The following MAK variants were observed in gnomAD, a reference collection of about 807,000 sequenced individuals.
The protein encoded by MAK is male germ cell associated kinase.
MAK carries 65 observed loss-of-function variants against 82.6 expected under a neutral mutation model. That is an observed-to-expected ratio of 0.79 (90% confidence interval 0.64 to 0.97). MAK has a LOEUF of 0.97. MAK is among the 50% of genes least tolerant of loss of function. The pLI is 0.00. For synonymous variants in MAK, 250 were observed against 274.2 expected, an observed-to-expected ratio of 0.91 and a Z score of 0.87; for missense variants, 703 against 780.2, an observed-to-expected ratio of 0.90 and a Z score of 1.18.
Position 10,801,905 on chromosome 6 carries a change from G to C in MAK, c.818C>G (p.Pro273Arg). 6.2e-7 allele frequency: 1 copy of C among 1,614,030 alleles called. No homozygotes were observed. Among genetic ancestry groups the C allele is most frequent in the Non-Finnish European group, 8.5e-7 (1 of 1,179,992 alleles). Reference protein sequence around the residue: ...EMLNWDPKKRPTASQALKHPY... With the variant: ...EMLNWDPKKRRTASQALKHPY... Reference sequence around the variant, plus strand: ...GACTCCTCTTACCTGGCTTGCTGTCGGTCGTTTCTTTGGATCCCAATTCAA... The same window carrying C: ...GACTCCTCTTACCTGGCTTGCTGTCCGTCGTTTCTTTGGATCCCAATTCAA... The change falls in exon 8 of 15, where the codon CCG becomes CGG. Residue 273 changes from proline to arginine, a missense_variant. Coordinates refer to ENST00000354489, the MANE Select transcript of MAK (RefSeq NM_001242957.3).
chr6:10,800,731 C>A lies in MAK; in HGVS notation c.831+1161G>T, dbSNP rs550252575. ...GCTCATGCCTGTAATCTCAGCTACT[C>A]GGGAGGCTGAGGGTGGGAGAATCAC... On this transcript the variant is annotated intron_variant, in intron 8 of 14. Transcript: ENST00000354489. The surrounding 1 kb of genome is among the most constrained non-coding windows in gnomAD (Gnocchi z 4.2). Among the ~76,000 whole-genome samples the A allele has an allele frequency of 3.9e-5, 6 of 152,022 alleles. No individual in the cohort carries two copies. The highest frequency in any genetic ancestry group is 8.8e-5 in the Non-Finnish European group (6 of 67,974).
rs1374758633 is a variant in MAK, at chr6:10,764,341, C to T, written c.*111G>A. ...TTGCCCTTCCAAGTACCCACTTTTG[C>T]ATATTTCTTCCAGAACTCAGTAGAA... On this transcript the variant is annotated 3_prime_UTR_variant, in exon 15 of 15. Transcript: ENST00000354489. 2.5e-6 allele frequency: 3 copies of T among 1,212,690 alleles called. No homozygotes were observed. The highest frequency in any genetic ancestry group is 1.5e-5 in the African/African-American group (1 of 65,744). 75.1% of individuals were successfully genotyped at this position (1,212,690 alleles called of 1,614,324 possible). A position where few individuals can be genotyped will look rare whatever the true frequency, so the allele number is the denominator to read the frequency against.
At chr6:10,788,779 C>T (rs990599712) in intron 10 of MAK, among the ~76,000 whole-genome samples, 3 of 152,070 alleles carry the variant, frequency 2.0e-5, no homozygotes, top group African/African-American at 4.8e-5. Flanking sequence ...CTCCCATATA[C>T]TACATCAGTG....
rs1772079363 is a variant in MAK, at chr6:10,762,810, T to C, written c.*1642A>G. The C allele has an allele frequency of 6.6e-6, 1 of 152,640 alleles. No homozygotes were observed. The highest frequency in any genetic ancestry group is 2.4e-5 in the African/African-American group (1 of 41,442). 9.5% of individuals were successfully genotyped at this position (152,640 alleles called of 1,614,324 possible). A position where few individuals can be genotyped will look rare whatever the true frequency, so the allele number is the denominator to read the frequency against. ...ACAGCTTTGAGACATTAATTTAAAC[T>C]GTACAAATACATATAACCATTACCA... On this transcript the variant is annotated 3_prime_UTR_variant, in exon 15 of 15. Coordinates refer to ENST00000354489, the MANE Select transcript of MAK (RefSeq NM_001242957.3).
intron 9 of MAK, among the ~76,000 whole-genome samples, chr6:10,794,820 C>A (rs1163509083): frequency 6.6e-6 from 1 of 151,084 alleles, no homozygotes; most frequent in Non-Finnish European, 1.5e-5. Context: ...TGGAGAAACC[C>A]CATCTCTACT....
At chr6:10,770,371 AG>A (rs1772892941) in intron 13 of MAK, 141 bp from the exon 14 acceptor site, 1 of 915,646 alleles carries the variant, frequency 1.1e-6, no homozygotes, top group Non-Finnish European at 1.7e-6. Context: ...CACTTGTTAC[AG>A]ATATTCTTAT....
intron 7 of MAK, chr6:10,802,297 TTTTG>T (rs1331931757): frequency 2.1e-6 from 1 of 468,500 alleles, no homozygotes; most frequent in East Asian, 3.9e-5. Flanking sequence ...TATAGCTTTT[TTTTG>T]TTTGTTTTTT....
chr6:10,834,045 T>C (rs866902214), intron 1 of MAK, among the ~76,000 whole-genome samples: 25 of 152,324 alleles, frequency 1.6e-4, no homozygotes, highest in African/African-American at 5.8e-4. Flanking sequence ...TTGGGTTGTT[T>C]TGTTTTGTAC....
At position 10,782,369 on chromosome 6, in the gene MAK, C is replaced by T. The variant is rs145739997; in HGVS notation, c.1465+2055G>A. ...CAACCTCTCAAATACAAATACGTGT[C>T]TTCCTCCTTACAAATCAGCACAGGA... is the stretch of plus-strand genomic sequence containing the variant. On this transcript the variant is annotated intron_variant, in intron 11 of 14. Transcript: ENST00000354489. Among the ~76,000 whole-genome samples, 746 of 152,182 alleles carry T rather than the reference C, an allele frequency of 4.9e-3. 6 individuals carry two copies. Among genetic ancestry groups the T allele is most frequent in the African/African-American group, 0.016 (646 of 41,512 alleles).
rs543905826 is a variant in MAK at position 10,776,600 on chromosome 6, C to T, written c.1466-1141G>A. On this transcript the variant is annotated intron_variant, in intron 11 of 14. Transcript: ENST00000354489. The surrounding 1 kb of genome is among the most constrained non-coding windows in gnomAD (Gnocchi z 4.3). ...CAGGCAGTTGAGCTTTTGCTTTCCG[C>T]GAGCTGGATTCCTTAGAAAGGTTTC... Among the ~76,000 whole-genome samples, 2 of 152,158 alleles carry T rather than the reference C, an allele frequency of 1.3e-5. No homozygotes were observed. The highest frequency in any genetic ancestry group is 4.8e-5 in the African/African-American group (2 of 41,514).
At chr6:10,819,014 T>G (rs1452595645) in intron 2 of MAK, 74 bp from the exon 3 acceptor site, 1 of 816,038 alleles carries the variant, frequency 1.2e-6, no homozygotes, top group Non-Finnish European at 2.1e-6. Flanking sequence ...GTTGGCTTTC[T>G]TACTCCACTA....
Position 10,794,653 on chromosome 6 carries a change from G to A in MAK, c.1143+1345C>T, listed in dbSNP as rs1450294164. Among the ~76,000 whole-genome samples, 5 of 152,108 alleles carry A rather than the reference G, an allele frequency of 3.3e-5. No homozygotes were observed. The South Asian group carries it at 1.0e-3, about 32-fold the overall frequency. ...CAGCAACTGAAGAGCTCCTGGAGCT[G>A]AACAAAAGATGGAAGAAAAAGTTTT... On this transcript the variant is annotated intron_variant, in intron 9 of 14. Transcript: ENST00000354489.
intron 1 of MAK, among the ~76,000 whole-genome samples, chr6:10,834,873 T>C (rs556419557): frequency 5.5e-4 from 83 of 152,268 alleles, no homozygotes; most frequent in African/African-American, 2.0e-3. Flanking sequence ...GATCAAAGAA[T>C]GCACTCAGAC....
chr6:10,797,536 A>G, intron 8 of MAK: 1 of 965,668 alleles, frequency 1.0e-6, no homozygotes, highest in South Asian at 4.8e-5. Flanking sequence ...AGTAAGGCTA[A>G]AACCGAAAAA....
chr6:10,819,877 C>T (rs923836823), intron 2 of MAK, among the ~76,000 whole-genome samples: 6 of 151,964 alleles, frequency 3.9e-5, no homozygotes, highest in African/African-American at 1.2e-4. Flanking sequence ...CTTTGGGAGG[C>T]GGAGGCGGGT....
intron 10 of MAK, 176 bp from the exon 11 acceptor site, chr6:10,784,748 A>G (rs1036740667): frequency 1.5e-6 from 1 of 687,564 alleles, no homozygotes; most frequent in Non-Finnish European, 2.6e-6. Flanking sequence ...CCGCGTAGAT[A>G]TTGGGTCGTG....
rs1775249057 is a variant in MAK, at chr6:10,793,423, A to G, written c.1144-1576T>C. 2.6e-5 allele frequency among the ~76,000 whole-genome samples: 4 copies of G among 152,226 alleles called. No individual in the cohort carries two copies. The South Asian group carries it at 8.3e-4, about 32-fold the overall frequency. The stretch of plus-strand genomic sequence containing the variant: ...AGGAGCAAAACAGACAACTAAACAA[A>G]TACACAGCTGGCAACAAGCTGGGCA... On this transcript the variant is annotated intron_variant, in intron 9 of 14. Transcript: ENST00000354489. The surrounding 1 kb of genome is among the most constrained non-coding windows in gnomAD (Gnocchi z 4.6).
Position 10,800,731 on chromosome 6 carries a change from C to T in MAK, c.831+1161G>A, listed in dbSNP as rs550252575. Among the ~76,000 whole-genome samples the T allele has an allele frequency of 6.6e-6, 1 of 151,904 alleles. No individual in the cohort carries two copies. The highest frequency in any genetic ancestry group is 1.5e-5 in the Non-Finnish European group (1 of 67,982). On this transcript the variant is annotated intron_variant, in intron 8 of 14. Coordinates refer to ENST00000354489, the MANE Select transcript of MAK (RefSeq NM_001242957.3). The surrounding 1 kb of genome is among the most constrained non-coding windows in gnomAD (Gnocchi z 4.2). ...GCTCATGCCTGTAATCTCAGCTACT[C>T]GGGAGGCTGAGGGTGGGAGAATCAC...
At chr6:10,806,483 T>C (rs1463849487) in intron 6 of MAK, among the ~76,000 whole-genome samples, 18 of 148,926 alleles carry the variant, frequency 1.2e-4, no homozygotes, top group Admixed American at 1.0e-3. Context: ...GGACTACAGG[T>C]GCCCGCCACC....
Sources: gnomAD v4.1 joint callset for allele counts (sites outside exome capture counted in the v4.1 genomes callset) on GRCh38, gnomAD v4.1.1 for gene constraint, Gnocchi (gnomAD v3.1) non-coding constraint, MANE v1.5 for transcripts, NCBI Gene and HGNC (gene_info 2026-07-23, HGNC 2026-07-21) for gene names.